Variants in GIPC2 observed in about 807,000 individuals in gnomAD.
The protein encoded by GIPC2 is GIPC PDZ domain containing family member 2, also known as PDZ domain-containing protein GIPC2.
A neutral mutation model predicts 30.6 loss-of-function variants in GIPC2; 30 were observed. The observed-to-expected ratio is 0.98, with a 90% CI of 0.73 to 1.33. The LOEUF (loss-of-function observed/expected upper bound fraction) is 1.33. Ranked by LOEUF, GIPC2 falls within the 40% of genes most tolerant of loss-of-function variation. The pLI, the probability that GIPC2 is intolerant of heterozygous loss-of-function variation, is 0.00. For missense variants in GIPC2, 414 were observed against 390.3 expected (o/e 1.06, Z -0.51); for synonymous variants, 167 against 150.0 (o/e 1.11, Z -0.83).
intron 3 of GIPC2, among the ~76,000 whole-genome samples, chr1:78,107,881 A>G (rs1291610453): frequency 6.6e-6 from 1 of 150,970 alleles, no homozygotes; most frequent in East Asian, 1.9e-4. Flanking sequence ...AGGAAGTAGA[A>G]GAAACTTATT....
chr1:78,091,873 G>T lies in GIPC2; in HGVS notation c.427-3079G>T. The T allele has an allele frequency of 1.5e-5, 12 of 779,924 alleles. 1 individual carries two copies. Among genetic ancestry groups the T allele is most frequent in the South Asian group, 1.5e-4 (11 of 74,472 alleles). The allele number at this position is 779,924 out of a possible 1,614,324, so 48.3% of individuals were successfully genotyped here. A position where few individuals can be genotyped will look rare whatever the true frequency, so the allele number is the denominator to read the frequency against. On this transcript the variant is annotated intron_variant, in intron 2 of 5. Coordinates refer to ENST00000370759, the MANE Select transcript of GIPC2 (RefSeq NM_017655.6). ...AAGATGTAAGAATCTTGTGGAAGAAGAATGAAGTTGCTGATTCTGAAGCTA... is the reference window on the plus strand; with the variant it reads ...AAGATGTAAGAATCTTGTGGAAGAATAATGAAGTTGCTGATTCTGAAGCTA...
chr1:78,079,167 A>T (rs1661780544), intron 1 of GIPC2, among the ~76,000 whole-genome samples: 1 of 152,230 alleles, frequency 6.6e-6, no homozygotes, highest in African/African-American at 2.4e-5. Flanking sequence ...GGTTAAATTG[A>T]AGGCTCAACA....
chr1:78,108,447 C>T (rs372103012), intron 3 of GIPC2, among the ~76,000 whole-genome samples: 11 of 152,178 alleles, frequency 7.2e-5, no homozygotes, highest in South Asian at 2.1e-4. Context: ...GTCTTATCGA[C>T]GGAATGGTTG....
At chr1:78,054,223 A>G (rs780945254) in intron 1 of GIPC2, among the ~76,000 whole-genome samples, 108 of 152,210 alleles carry the variant, frequency 7.1e-4, no homozygotes, top group Non-Finnish European at 1.3e-3. Flanking sequence ...CATGATTTTT[A>G]ACATAGCATT....
Position 78,046,103 on chromosome 1 carries a change from GA to G in GIPC2, c.11del (p.Lys4SerfsTer83). 1 of 1,470,402 alleles carries G rather than the reference GA, an allele frequency of 6.8e-7. No individual in the cohort carries two copies. 91.1% of individuals were successfully genotyped at this position (1,470,402 alleles called of 1,614,324 possible). A position where few individuals can be genotyped will look rare whatever the true frequency, so the allele number is the denominator to read the frequency against. ...GCTCTCGGCCCTGCAAGATGCCCCT[GA>G]AGCTGCGGGGGAAGAAGAAGGCCAA... MPLKLRGKKKAKSK... is the reference protein window; with the variant it reads MPLXLRGKKKAKSK... On this transcript the variant is annotated frameshift_variant, in exon 1 of 6. Transcript: ENST00000370759. LOFTEE classifies it high-confidence loss of function.
intron 1 of GIPC2, among the ~76,000 whole-genome samples, chr1:78,054,768 C>A (rs999600526): frequency 1.3e-5 from 2 of 152,118 alleles, no homozygotes; most frequent in Non-Finnish European, 2.9e-5. Context: ...GCCTTATAGA[C>A]CTCATTGCTG....
At chr1:78,111,734 C>A (rs564122825) in intron 3 of GIPC2, among the ~76,000 whole-genome samples, 1 of 152,322 alleles carries the variant, frequency 6.6e-6, no homozygotes, top group East Asian at 1.9e-4. Flanking sequence ...ATGGGCAAAG[C>A]ATCTTTCATA....
chr1:78,119,599 A>T, intron 4 of GIPC2, 100 bp downstream of exon 4: 1 of 687,950 alleles, frequency 1.5e-6, no homozygotes, highest in Admixed American at 2.5e-5. Flanking sequence ...TTCACTGTCT[A>T]TTTAAACAAT....
intron 1 of GIPC2, among the ~76,000 whole-genome samples, chr1:78,047,545 C>A (rs1171018143): frequency 6.6e-6 from 1 of 151,394 alleles, no homozygotes; most frequent in Admixed American, 6.6e-5. Context: ...TCAAAAAACA[C>A]TTTCACAGGA....
intron 3 of GIPC2, 138 bp from the exon 4 acceptor site, chr1:78,119,255 C>G: frequency 1.8e-6 from 1 of 542,516 alleles, no homozygotes; most frequent in South Asian, 3.0e-5. Context: ...TCGGGAAATT[C>G]TATAAGAAGG....
At chr1:78,127,422 G>A (rs370393425) in intron 5 of GIPC2, among the ~76,000 whole-genome samples, 3 of 152,158 alleles carry the variant, frequency 2.0e-5, no homozygotes, top group Non-Finnish European at 4.4e-5. Flanking sequence ...TACTTTCTTC[G>A]TAAAGGTGAA....
At chr1:78,116,394 T>C (rs1662567077) in intron 3 of GIPC2, among the ~76,000 whole-genome samples, 1 of 152,194 alleles carries the variant, frequency 6.6e-6, no homozygotes, top group Admixed American at 6.5e-5. Context: ...CTAGGGTACA[T>C]GTGAACAACG....
At chr1:78,105,701 A>G (rs1465203846) in intron 3 of GIPC2, among the ~76,000 whole-genome samples, 1 of 152,186 alleles carries the variant, frequency 6.6e-6, no homozygotes, top group African/African-American at 2.4e-5. Context: ...TGTGAGATGA[A>G]GGGGTAAAAA....
intron 1 of GIPC2, among the ~76,000 whole-genome samples, chr1:78,054,603 G>A (rs1185387484): frequency 6.6e-6 from 1 of 152,034 alleles, no homozygotes; most frequent in East Asian, 1.9e-4. Flanking sequence ...GTATTTTCTG[G>A]ATTTACATCA....
At chr1:78,078,565 G>C (rs1229078140) in intron 1 of GIPC2, among the ~76,000 whole-genome samples, 2 of 152,176 alleles carry the variant, frequency 1.3e-5, no homozygotes, top group Admixed American at 1.3e-4. Flanking sequence ...TTCTGCACGG[G>C]AGGAAGCACG....
chr1:78,131,959 T>C (rs944195059), intron 5 of GIPC2, among the ~76,000 whole-genome samples: 13 of 152,226 alleles, frequency 8.5e-5, no homozygotes, highest in Non-Finnish European at 4.4e-5. Context: ...CAAGATCAGG[T>C]ATTTTTTGAA....
intron 4 of GIPC2, among the ~76,000 whole-genome samples, chr1:78,119,957 T>C (rs1662648272): frequency 6.6e-6 from 1 of 152,082 alleles, no homozygotes. Flanking sequence ...GATACTGGAG[T>C]CCAATGACTT....
At position 78,136,661 on chromosome 1, in the gene GIPC2, A is replaced by G. The variant is rs1271499449; in HGVS notation, c.*918A>G. The G allele has an allele frequency of 1.4e-5, 2 of 138,744 alleles. No homozygotes were observed. The highest frequency in any genetic ancestry group is 3.1e-5 in the Non-Finnish European group (2 of 65,340). The allele number at this position is 138,744 out of a possible 1,614,324, so 8.6% of individuals were successfully genotyped here. On this transcript the variant is annotated 3_prime_UTR_variant, in exon 6 of 6. Coordinates refer to ENST00000370759, the MANE Select transcript of GIPC2 (RefSeq NM_017655.6). ...ACAGCAGCACTTTTTAGTTCCCTAA[A>G]CTTTAGAAGAAATGCTATCAGAAAT...
chr1:78,085,487 A>G (rs925157857), intron 2 of GIPC2, among the ~76,000 whole-genome samples: 3 of 151,550 alleles, frequency 2.0e-5, no homozygotes, highest in Non-Finnish European at 4.4e-5. Context: ...TAGTTTCTAT[A>G]GGAATGGCAC....
Sources: gnomAD v4.1 joint callset for allele counts (sites outside exome capture counted in the v4.1 genomes callset) on GRCh38, gnomAD v4.1.1 for gene constraint, MANE v1.5 for transcripts, NCBI Gene and HGNC (gene_info 2026-07-23, HGNC 2026-07-21) for gene names.